The following ANKRD55 variants were observed in gnomAD, a reference collection of about 807,000 sequenced individuals.
ANKRD55 encodes ankyrin repeat domain-containing protein 55.
ANKRD55 carries 41 observed loss-of-function variants against 60.6 expected under a neutral mutation model. The ratio of observed to expected loss-of-function variants is 0.68; its 90% confidence interval spans 0.53 to 0.88. The LOEUF (loss-of-function observed/expected upper bound fraction) is 0.88. ANKRD55 is among the 40% of genes least tolerant of loss of function. The probability of loss-of-function intolerance (pLI) is 0.00; values close to 1 mark genes in which losing one functional copy is unlikely to be tolerated. For synonymous variants in ANKRD55, 264 were observed against 290.3 expected (o/e 0.91, Z 0.92); for missense variants, 732 against 767.6 (o/e 0.95, Z 0.55).
At position 56,192,494 on chromosome 5, in the gene ANKRD55, C is replaced by A. The variant is rs1463562371; in HGVS notation, c.59-8860G>T. 6.2e-5 allele frequency: 16 copies of A among 258,718 alleles called. No individual in the cohort carries two copies. The East Asian group carries it at 1.4e-3, about 22-fold the overall frequency. The allele number at this position is 258,718 out of a possible 1,614,324, so 16.0% of individuals were successfully genotyped here. A position where few individuals can be genotyped will look rare whatever the true frequency, so the allele number is the denominator to read the frequency against. On this transcript the variant is annotated intron_variant, in intron 2 of 11. Transcript: ENST00000341048. Reference sequence around the variant, plus strand: ...GTCCCATGTCGTCGCCCTCTCTGCCCCCCAGGAGGGGCAAGAGGGAGCCAC... The same window carrying A: ...GTCCCATGTCGTCGCCCTCTCTGCCACCCAGGAGGGGCAAGAGGGAGCCAC...
chr5:56,138,302 A>G (rs1757666827), intron 7 of ANKRD55, among the ~76,000 whole-genome samples: 2 of 151,716 alleles, frequency 1.3e-5, no homozygotes, highest in Non-Finnish European at 2.9e-5. Flanking sequence ...TAATTTTTGT[A>G]TTTTTAGTAG....
Position 56,102,568 on chromosome 5 carries a change from A to G in ANKRD55, c.1649T>C (p.Leu550Pro), listed in dbSNP as rs1371645929. Residue 550 changes from leucine to proline, a missense_variant, in exon 11 of 12, where the codon CTT (leucine) becomes CCT (proline). This residue lies in a region of ANKRD55 where 597 missense variants were observed against 607.5 expected (regional missense o/e 0.98). Coordinates refer to ENST00000341048, the MANE Select transcript of ANKRD55 (RefSeq NM_024669.3). Reference protein sequence around the residue: ...NPSSGQNFQHLSPNRHKIRDL... With the variant: ...NPSSGQNFQHPSPNRHKIRDL... ...CCTGATTTTGTGTCTGTTTGGGGAA[A>G]GATGCTGAAAATTTTGTCCTGAAGA... The G allele has an allele frequency of 1.2e-6, 2 of 1,613,480 alleles. No homozygotes were observed. Among genetic ancestry groups the G allele is most frequent in the Admixed American group, 3.3e-5 (2 of 60,006 alleles).
At chr5:56,112,511 A>AAAAAAAAAAAAAAAAACAAAAAC in intron 9 of ANKRD55, among the ~76,000 whole-genome samples, 1 of 81,528 alleles carries the variant, frequency 1.2e-5, no homozygotes, top group African/African-American at 5.4e-5. Flanking sequence ...TAGCAAAAAA[A>AAAAAAAAAAAAAAAAACAAAAAC]AAAAAAAAAA....
At chr5:56,146,410 A>G (rs1757897244) in intron 6 of ANKRD55, among the ~76,000 whole-genome samples, 1 of 151,362 alleles carries the variant, frequency 6.6e-6, no homozygotes, top group Non-Finnish European at 1.5e-5. Flanking sequence ...TCAGCCTCCC[A>G]AGTAGCTGAG....
intron 2 of ANKRD55, among the ~76,000 whole-genome samples, chr5:56,184,598 T>C (rs1204146475): frequency 6.6e-6 from 1 of 152,084 alleles, no homozygotes; most frequent in Non-Finnish European, 1.5e-5. Flanking sequence ...ACTAATAGCA[T>C]GGTCAAAGGC....
At chr5:56,171,555 A>C (rs1287890235) in intron 4 of ANKRD55, among the ~76,000 whole-genome samples, 2 of 152,144 alleles carry the variant, frequency 1.3e-5, no homozygotes, top group Admixed American at 6.6e-5. Flanking sequence ...ACTTTAACTG[A>C]CCCATACCTA....
intron 2 of ANKRD55, among the ~76,000 whole-genome samples, chr5:56,190,018 C>A (rs1759056595): frequency 6.6e-6 from 1 of 152,176 alleles, no homozygotes. Flanking sequence ...AAAATAATAG[C>A]CATCCTAATG....
chr5:56,170,681 CCTGGCCACTTACCTCATATCGGGCTCAG>C lies in ANKRD55; in HGVS notation c.407_422+12del. On this transcript the variant is annotated splice_donor_variant and splice_donor_5th_base_variant and coding_sequence_variant and intron_variant, in exon 5 of 12. Coordinates refer to ENST00000341048, the MANE Select transcript of ANKRD55 (RefSeq NM_024669.3). LOFTEE classifies it high-confidence loss of function. ...ACTCCCAACTTGAGCATCATGTAAA[CCTGGCCACTTACCTCATATCGGGCTCAG>C]CAGTGGCAGCATGCAGTGGCAGGCG... 2 of 1,611,250 alleles carry C rather than the reference CCTGGCCACTTACCTCATATCGGGCTCAG, an allele frequency of 1.2e-6. No individual in the cohort carries two copies. Among genetic ancestry groups the C allele is most frequent in the Non-Finnish European group, 1.7e-6 (2 of 1,177,530 alleles).
At chr5:56,215,754 C>T (rs941666475) in intron 2 of ANKRD55, among the ~76,000 whole-genome samples, 9 of 152,144 alleles carry the variant, frequency 5.9e-5, no homozygotes, top group Non-Finnish European at 1.0e-4. Context: ...TGGAATCTGT[C>T]TCAAAGTCTG....
intron 2 of ANKRD55, among the ~76,000 whole-genome samples, chr5:56,206,870 C>T (rs1200871389): frequency 6.6e-6 from 1 of 152,182 alleles, no homozygotes; most frequent in African/African-American, 2.4e-5. Flanking sequence ...GAGGTGGGTA[C>T]AGCTCTCAGG....
intron 5 of ANKRD55, among the ~76,000 whole-genome samples, chr5:56,166,083 T>TCC (rs1758440936): frequency 2.4e-5 from 3 of 123,172 alleles, no homozygotes; most frequent in African/African-American, 1.2e-4. Flanking sequence ...ATCTTTCTTT[T>TCC]CTTTTTCTTT....
At chr5:56,177,593 A>G (rs1758763037) in intron 3 of ANKRD55, among the ~76,000 whole-genome samples, 1 of 152,104 alleles carries the variant, frequency 6.6e-6, no homozygotes, top group Non-Finnish European at 1.5e-5. Flanking sequence ...CCTGGCCAAC[A>G]TGGTGAAACC....
chr5:56,129,650 C>T (rs1580963280), intron 7 of ANKRD55, among the ~76,000 whole-genome samples: 1 of 152,092 alleles, frequency 6.6e-6, no homozygotes. Context: ...TCTAGGTGAC[C>T]TTCAAAGGAG....
intron 4 of ANKRD55, among the ~76,000 whole-genome samples, chr5:56,171,261 ACTGATCTTT>A (rs1359679919): frequency 6.6e-6 from 1 of 152,172 alleles, no homozygotes; most frequent in Non-Finnish European, 1.5e-5. Context: ...CACCTTGTTG[ACTGATCTTT>A]CTGATGCTGA....
intron 10 of ANKRD55, 57 bp downstream of exon 10, chr5:56,111,061 A>T: frequency 6.4e-7 from 1 of 1,555,250 alleles, no homozygotes; most frequent in Non-Finnish European, 8.7e-7. Context: ...TTAAAACTGT[A>T]CGGGACATTT....
chr5:56,172,341 A>C (rs1218264362), intron 4 of ANKRD55, among the ~76,000 whole-genome samples: 1 of 152,172 alleles, frequency 6.6e-6, no homozygotes, highest in Non-Finnish European at 1.5e-5. Flanking sequence ...GTCTTGAGTC[A>C]TAGTTTACTG....
chr5:56,111,405 G>A lies in ANKRD55; in HGVS notation c.1343C>T (p.Thr448Ile). 6.2e-7 allele frequency: 1 copy of A among 1,614,150 alleles called. No homozygotes were observed. ...ATGGGAAGTGGCCCTATGGGAGGCT[G>A]TTAGGAAGTTATTGCCCAGGGTGAT... ...PPITLGNNFL[T>I]ASHRATSHAG... The change falls in exon 10 of 12, where the codon ACA (threonine) becomes ATA (isoleucine). Residue 448 changes from threonine (T) to isoleucine (I), a missense_variant. Physicochemically the swap from Thr to Ile is moderately conservative, Grantham distance 89. Coordinates refer to ENST00000341048, the MANE Select transcript of ANKRD55 (RefSeq NM_024669.3).
chr5:56,230,344 C>T (rs1395088868), intron 2 of ANKRD55, among the ~76,000 whole-genome samples: 10 of 152,188 alleles, frequency 6.6e-5, no homozygotes, highest in African/African-American at 1.9e-4. Flanking sequence ...CTGCCCACCT[C>T]GGCCTCCCAA....
chr5:56,160,043 C>G, intron 5 of ANKRD55, 150 bp from the exon 6 acceptor site: 1 of 654,316 alleles, frequency 1.5e-6, no homozygotes, highest in Non-Finnish European at 2.7e-6. Flanking sequence ...GGAAAAAGAT[C>G]CACAGAAAAG....
Sources: allele counts gnomAD v4.1 joint callset (sites outside exome capture counted in the v4.1 genomes callset), GRCh38; gene constraint gnomAD v4.1.1; regional missense constraint gnomAD v4.1.1; transcripts MANE v1.5; gene names NCBI Gene and HGNC (gene_info 2026-07-23, HGNC 2026-07-21).